BTBD9: variants seen among roughly 807,000 people sequenced by gnomAD.
BTBD9 encodes the protein BTB domain containing 9.
A neutral mutation model predicts 64.3 loss-of-function variants in BTBD9; 49 were observed. The ratio of observed to expected loss-of-function variants is 0.76; its 90% CI spans 0.61 to 0.97. The LOEUF (loss-of-function observed/expected upper bound fraction) is 0.97, where lower values mean the gene tolerates loss of function less well. Among genes scored for constraint, BTBD9 ranks in the 50% least tolerant of loss-of-function variants. The pLI is 0.00. For missense variants in BTBD9, 598 were observed against 762.1 expected, an observed-to-expected ratio of 0.78 and a Z score of 2.53; for synonymous variants, 260 against 274.7, an observed-to-expected ratio of 0.95 and a Z score of 0.53.
chr6:38,501,878 A>G (rs1163927508), intron 6 of BTBD9, among the ~76,000 whole-genome samples: 3 of 152,220 alleles, frequency 2.0e-5, no homozygotes, highest in African/African-American at 4.8e-5. Context: ...TGATATCTAT[A>G]TTGACATGTA....
rs59014161 is a variant in BTBD9, at chr6:38,505,964, CAA to C, written c.1154+71634_1154+71635del. On this transcript the variant is annotated intron_variant, in intron 6 of 10. Transcript: ENST00000481247. ...TGGCAACAGCATGGCTCCGTCTCAA[CAA>C]AAAAAAAAAAAAAAAAAAGGAACTC... 5.5e-3 allele frequency among the ~76,000 whole-genome samples: 454 copies of C among 82,648 alleles called. 3 individuals carry two copies. The highest frequency in any genetic ancestry group is 0.016 in the African/African-American group (386 of 24,452). 54.2% of individuals were successfully genotyped at this position (82,648 alleles called of 152,430 possible).
intron 6 of BTBD9, among the ~76,000 whole-genome samples, chr6:38,564,489 TGA>T (rs1161882778): frequency 6.6e-6 from 1 of 152,142 alleles, no homozygotes; most frequent in Non-Finnish European, 1.5e-5. Flanking sequence ...GGAGTGGAGA[TGA>T]GAGAACATTT....
intron 9 of BTBD9, among the ~76,000 whole-genome samples, chr6:38,249,870 AACTAAT>A (rs1300507924): frequency 7.2e-5 from 11 of 152,168 alleles, no homozygotes; most frequent in Admixed American, 5.2e-4. Flanking sequence ...TCCAAATAGA[AACTAAT>A]ACTTCTTGTG....
intron 7 of BTBD9, among the ~76,000 whole-genome samples, chr6:38,339,123 C>T (rs1431590936): frequency 3.9e-5 from 6 of 152,058 alleles, no homozygotes; most frequent in Admixed American, 3.9e-4. Flanking sequence ...AAATCTATCC[C>T]AAAGATATAT....
chr6:38,173,112 C>T lies in BTBD9; in HGVS notation c.*1873G>A, dbSNP rs1200008742. 1 of 152,330 alleles carries T rather than the reference C, an allele frequency of 6.6e-6. No individual in the cohort carries two copies. Among genetic ancestry groups the T allele is most frequent in the Non-Finnish European group, 1.5e-5 (1 of 68,090 alleles). 9.4% of individuals were successfully genotyped at this position (152,330 alleles called of 1,614,324 possible). On this transcript the variant is annotated 3_prime_UTR_variant, in exon 11 of 11. Coordinates refer to ENST00000481247, the MANE Select transcript of BTBD9 (RefSeq NM_001099272.2). ...CTCTGCCCTTGATATGACTGTCTGG[C>T]TCCTTTGTCCCCATCTGGGTAGAAA...
intron 7 of BTBD9, among the ~76,000 whole-genome samples, chr6:38,296,131 T>C (rs1386350423): frequency 6.6e-6 from 1 of 152,232 alleles, no homozygotes; most frequent in Non-Finnish European, 1.5e-5. Flanking sequence ...TACCATGCTG[T>C]CTTAATTACC....
At chr6:38,594,524 T>A in intron 2 of BTBD9, 197 bp from the exon 3 acceptor site, 1 of 625,402 alleles carries the variant, frequency 1.6e-6, no homozygotes, top group Non-Finnish European at 2.6e-6. Context: ...CTATTTGAAT[T>A]AATTCTGTAA....
chr6:38,303,885 AC>A (rs1181714686), intron 7 of BTBD9, among the ~76,000 whole-genome samples: 6 of 138,466 alleles, frequency 4.3e-5, no homozygotes, highest in African/African-American at 1.5e-4. Context: ...ACACACACAC[AC>A]ATGTGTATAT....
intron 6 of BTBD9, among the ~76,000 whole-genome samples, chr6:38,435,934 G>T (rs917563615): frequency 4.0e-5 from 6 of 151,562 alleles, no homozygotes; most frequent in Non-Finnish European, 8.8e-5. Context: ...CTCCCAAAGT[G>T]CTGGGATTAC....
intron 8 of BTBD9, among the ~76,000 whole-genome samples, chr6:38,267,817 G>C (rs1393257394): frequency 6.6e-6 from 1 of 152,184 alleles, no homozygotes; most frequent in Admixed American, 6.5e-5. Flanking sequence ...GCAGGCGCCT[G>C]TAGTCCCAGC....
chr6:38,277,211 A>G (rs2127548207), intron 8 of BTBD9, among the ~76,000 whole-genome samples: 1 of 152,352 alleles, frequency 6.6e-6, no homozygotes, highest in Non-Finnish European at 1.5e-5. Flanking sequence ...TGTTTGCAAC[A>G]GAAACTTGAA....
chr6:38,425,472 A>G (rs1299413517), intron 6 of BTBD9, among the ~76,000 whole-genome samples: 3 of 151,800 alleles, frequency 2.0e-5, no homozygotes, highest in African/African-American at 4.9e-5. Context: ...AATTTCTACC[A>G]GTTTCAACAT....
intron 6 of BTBD9, among the ~76,000 whole-genome samples, chr6:38,358,769 CT>C (rs35616918): frequency 1.3e-3 from 194 of 146,034 alleles, no homozygotes; most frequent in African/African-American, 2.5e-3. Context: ...GGATTGTGAC[CT>C]TTTTTTTTTT....
At chr6:38,247,901 G>A (rs1582109954) in intron 9 of BTBD9, among the ~76,000 whole-genome samples, 1 of 152,120 alleles carries the variant, frequency 6.6e-6, no homozygotes, top group East Asian at 1.9e-4. Context: ...GCAAGGACAA[G>A]CATCCATAAA....
At position 38,621,536 on chromosome 6, in the gene BTBD9, G is replaced by T. The variant is rs145775033; in HGVS notation, c.-28+18264C>A. ...CCTGAAAGCAAGCCCCTTCCCCCAG[G>T]GACCAGCACCCAGTTAGCAGAACTA... On this transcript the variant is annotated intron_variant, in intron 1 of 10. Coordinates refer to ENST00000481247, the MANE Select transcript of BTBD9 (RefSeq NM_001099272.2). Among the ~76,000 whole-genome samples, 405 of 152,286 alleles carry T rather than the reference G, an allele frequency of 2.7e-3. 1 individual carries two copies. The highest frequency in any genetic ancestry group is 9.1e-3 in the African/African-American group (379 of 41,546).
intron 8 of BTBD9, among the ~76,000 whole-genome samples, chr6:38,283,456 T>C (rs554824237): frequency 5.0e-4 from 76 of 152,240 alleles, no homozygotes; most frequent in Admixed American, 1.4e-3. Context: ...GAGACCAGCC[T>C]AGGCAACAAA....
intron 6 of BTBD9, among the ~76,000 whole-genome samples, chr6:38,462,054 C>T (rs1770108892): frequency 6.6e-6 from 1 of 152,090 alleles, no homozygotes; most frequent in Non-Finnish European, 1.5e-5. Flanking sequence ...AAGAATTCTT[C>T]ATATGTTCTT....
At chr6:38,364,830 C>T (rs939578718) in intron 6 of BTBD9, among the ~76,000 whole-genome samples, 4 of 152,192 alleles carry the variant, frequency 2.6e-5, no homozygotes, top group South Asian at 2.1e-4. Flanking sequence ...ACTAGATTGA[C>T]GAACAAGACA....
At chr6:38,518,040 T>C (rs966996458) in intron 6 of BTBD9, among the ~76,000 whole-genome samples, 8 of 152,058 alleles carry the variant, frequency 5.3e-5, no homozygotes, top group African/African-American at 1.9e-4. Flanking sequence ...TGACAAATAT[T>C]AAAAAGTAGA....
Sources: allele counts gnomAD v4.1 joint callset (sites outside exome capture counted in the v4.1 genomes callset), GRCh38; gene constraint gnomAD v4.1.1; transcripts MANE v1.5; gene names NCBI Gene and HGNC (gene_info 2026-07-23, HGNC 2026-07-21).